The following AGTPBP1 variants were observed in gnomAD, a reference collection of about 807,000 sequenced individuals.
AGTPBP1 encodes the protein ATP/GTP binding carboxypeptidase 1.
Under a neutral mutation model 143.9 loss-of-function variants are expected in AGTPBP1, and 70 were observed. The observed-to-expected ratio is 0.49, with a 90% CI of 0.40 to 0.59. The LOEUF (loss-of-function observed/expected upper bound fraction) is 0.59, where lower values mean the gene tolerates loss of function less well. Among genes scored for constraint, AGTPBP1 ranks in the 20% least tolerant of loss-of-function variants. AGTPBP1 has a pLI of 0.00. For synonymous variants in AGTPBP1, 463 were observed against 500.2 expected, an observed-to-expected ratio of 0.93 and a Z score of 0.99; for missense variants, 1,229 against 1,464.5, an observed-to-expected ratio of 0.84 and a Z score of 2.62.
At chr9:85,770,892 T>A in the AGTPBP1 span, among the ~76,000 whole-genome samples, 1 of 152,034 alleles carries the variant, frequency 6.6e-6, no homozygotes, top group Non-Finnish European at 1.5e-5. Flanking sequence ...GGTAGGGGAA[T>A]CTGTACTTTC....
At chr9:85,614,637 T>G (rs529225429) in intron 17 of AGTPBP1, among the ~76,000 whole-genome samples, 1 of 152,108 alleles carries the variant, frequency 6.6e-6, no homozygotes, top group Admixed American at 6.6e-5. Context: ...AAAAAATAGG[T>G]AGAAAAGTCT....
chr9:85,795,856 GTTTTTTTTT>G, the AGTPBP1 span, among the ~76,000 whole-genome samples: 2,184 of 70,824 alleles, frequency 0.031, 79 homozygotes, highest in African/African-American at 0.11. Context: ...CTTCTTCTTA[GTTTTTTTTT>G]TTTTTTTTTT....
At chr9:85,648,126 C>G (rs890096396) in intron 11 of AGTPBP1, among the ~76,000 whole-genome samples, 1 of 152,152 alleles carries the variant, frequency 6.6e-6, no homozygotes, top group African/African-American at 2.4e-5. Flanking sequence ...GCTATTTGAC[C>G]TTGAGCAAGT....
the AGTPBP1 span, among the ~76,000 whole-genome samples, chr9:85,779,212 GATATAGATATAGAT>G: frequency 0.013 from 1,905 of 141,526 alleles, 49 homozygotes; most frequent in African/African-American, 0.049. Context: ...TATAGATATA[GATATAGATATAGAT>G]ATAGATATAG....
At chr9:85,684,272 A>C (rs1410471839) in intron 3 of AGTPBP1, among the ~76,000 whole-genome samples, 1 of 152,230 alleles carries the variant, frequency 6.6e-6, no homozygotes. Flanking sequence ...TACTAATAAC[A>C]ACCAAACTCT....
intron 19 of AGTPBP1, among the ~76,000 whole-genome samples, chr9:85,591,196 G>T (rs1363174801): frequency 6.6e-6 from 1 of 151,710 alleles, no homozygotes; most frequent in South Asian, 2.1e-4. Flanking sequence ...AAAAAAAAGG[G>T]GGGGAGTACT....
At chr9:85,690,082 C>T (rs1348855377) in intron 3 of AGTPBP1, among the ~76,000 whole-genome samples, 1 of 151,654 alleles carries the variant, frequency 6.6e-6, no homozygotes, top group African/African-American at 2.4e-5. Flanking sequence ...GTACCCTCTC[C>T]CCGTGCCTTC....
intron 13 of AGTPBP1, among the ~76,000 whole-genome samples, chr9:85,642,258 G>T (rs549894810): frequency 6.6e-6 from 1 of 152,058 alleles, no homozygotes; most frequent in South Asian, 2.1e-4. Context: ...CTGTAATCCA[G>T]GCTGAATAAA....
the AGTPBP1 span, among the ~76,000 whole-genome samples, chr9:85,772,344 T>A: frequency 6.6e-6 from 1 of 152,170 alleles, no homozygotes; most frequent in Non-Finnish European, 1.5e-5. Context: ...AACCCTTGTA[T>A]TAATGATTAT....
chr9:85,687,849 G>C (rs1407860465), intron 3 of AGTPBP1, among the ~76,000 whole-genome samples: 3 of 151,982 alleles, frequency 2.0e-5, no homozygotes, highest in Non-Finnish European at 4.4e-5. Flanking sequence ...CAGGACTTTG[G>C]GAGGCCAAGG....
At chr9:85,583,220 T>A (rs57417974) in intron 23 of AGTPBP1, among the ~76,000 whole-genome samples, 7,388 of 152,240 alleles carry the variant, frequency 0.049, 612 homozygotes, top group African/African-American at 0.17. Flanking sequence ...ACCTTCGACT[T>A]CTGATCTGCA....
At chr9:85,763,797 T>C in the AGTPBP1 span, among the ~76,000 whole-genome samples, 5 of 152,234 alleles carry the variant, frequency 3.3e-5, no homozygotes, top group Admixed American at 2.0e-4. Context: ...TAGGATTCAA[T>C]TAAAAGCTTG....
chr9:85,704,979 C>T (rs1485354313), intron 2 of AGTPBP1, among the ~76,000 whole-genome samples: 3 of 151,114 alleles, frequency 2.0e-5, no homozygotes, highest in Non-Finnish European at 2.9e-5. Flanking sequence ...CTTGAGGACA[C>T]GCAATAAAAA....
rs532534838 is a variant in AGTPBP1 at position 85,565,293 on chromosome 9, G to A, written c.3503+10022C>T. On this transcript the variant is annotated intron_variant, in intron 25 of 25. Transcript: ENST00000357081. ...TAATTTATAACAGATACTGTATCTC[G>A]GGAAATAGTTAAAACCAAGAAGGAT... is the stretch of plus-strand genomic sequence containing the variant. Among the ~76,000 whole-genome samples the A allele has an allele frequency of 1.7e-4, 26 of 152,058 alleles. 1 individual carries two copies. Among genetic ancestry groups the A allele is most frequent in the South Asian group, 1.5e-3 (7 of 4,820 alleles).
At chr9:85,779,441 C>T in the AGTPBP1 span, among the ~76,000 whole-genome samples, 1 of 151,994 alleles carries the variant, frequency 6.6e-6, no homozygotes, top group Non-Finnish European at 1.5e-5. Context: ...CAGGAAGCAT[C>T]CAGCATGGGA....
the AGTPBP1 span, among the ~76,000 whole-genome samples, chr9:85,789,008 G>C: frequency 6.6e-6 from 1 of 151,872 alleles, no homozygotes; most frequent in Non-Finnish European, 1.5e-5. Flanking sequence ...ACACATACTT[G>C]TTTTACCTGT....
chr9:85,736,948 T>A (rs1823831454), intron 1 of AGTPBP1, among the ~76,000 whole-genome samples: 1 of 151,970 alleles, frequency 6.6e-6, no homozygotes, highest in Non-Finnish European at 1.5e-5. Context: ...CTACTAAAAC[T>A]ACAAAAAATT....
chr9:85,775,795 T>A, the AGTPBP1 span, among the ~76,000 whole-genome samples: 1 of 152,012 alleles, frequency 6.6e-6, no homozygotes, highest in Non-Finnish European at 1.5e-5. Flanking sequence ...TCTCACCTTC[T>A]TATGTTTTTC....
the AGTPBP1 span, among the ~76,000 whole-genome samples, chr9:85,771,925 C>T: frequency 1.3e-5 from 2 of 151,712 alleles, no homozygotes; most frequent in African/African-American, 4.8e-5. Flanking sequence ...TCCCAAAGTG[C>T]TGGGATTACA....
Sources: allele counts gnomAD v4.1 joint callset (sites outside exome capture counted in the v4.1 genomes callset), GRCh38; gene constraint gnomAD v4.1.1; transcripts MANE v1.5; gene names NCBI Gene and HGNC (gene_info 2026-07-23, HGNC 2026-07-21).